ZNF682: variants seen among roughly 807,000 people sequenced by gnomAD.
ZNF682 encodes the protein zinc finger protein 682.
Under a neutral mutation model 36.5 loss-of-function variants are expected in ZNF682, and 29 were observed. The ratio of observed to expected loss-of-function variants is 0.80; its 90% confidence interval spans 0.59 to 1.08. The LOEUF is 1.08. ZNF682 is among the 50% of genes least tolerant of loss of function. ZNF682 has a pLI of 0.00. For synonymous variants in ZNF682, 180 were observed against 197.0 expected (o/e 0.91, Z 0.72); for missense variants, 561 against 579.7 (o/e 0.97, Z 0.33).
chr19:20,016,696 A>G (rs887027465), intron 3 of ZNF682, among the ~76,000 whole-genome samples: 12 of 152,108 alleles, frequency 7.9e-5, no homozygotes, highest in Non-Finnish European at 1.8e-4. Flanking sequence ...ACCTGGAAAA[A>G]TTTACCTCTA....
downstream of ZNF682, among the ~76,000 whole-genome samples, chr19:19,999,849 A>G (rs536208414): frequency 2.0e-5 from 3 of 152,154 alleles, no homozygotes; most frequent in African/African-American, 4.8e-5. Context: ...CATAATTTTT[A>G]TATGTTTTGT....
intron 3 of ZNF682, among the ~76,000 whole-genome samples, chr19:19,998,474 T>C (rs796503280): frequency 6.6e-6 from 1 of 152,206 alleles, no homozygotes; most frequent in Non-Finnish European, 1.5e-5. Flanking sequence ...GCTAGTTATC[T>C]GCTTCTTTCT....
At chr19:20,019,198 T>C (rs939545255) in intron 3 of ZNF682, among the ~76,000 whole-genome samples, 1 of 152,146 alleles carries the variant, frequency 6.6e-6, no homozygotes, top group African/African-American at 2.4e-5. Flanking sequence ...AGTAAAATAT[T>C]ACCTCAAACC....
chr19:20,032,021 T>C (rs1342268304), intron 1 of ZNF682, among the ~76,000 whole-genome samples: 1 of 152,194 alleles, frequency 6.6e-6, no homozygotes, highest in Non-Finnish European at 1.5e-5. Flanking sequence ...TTTATAGCTA[T>C]GTGTGGCAGT....
At chr19:20,022,942 TG>T in intron 3 of ZNF682, 61 bp downstream of exon 3, 1 of 1,367,870 alleles carries the variant, frequency 7.3e-7, no homozygotes, top group South Asian at 1.2e-5. Flanking sequence ...TCTTGAAGTC[TG>T]TCTTCCTTCT....
intron 3 of ZNF682, among the ~76,000 whole-genome samples, chr19:20,012,151 A>C (rs768677194): frequency 1.3e-5 from 2 of 152,242 alleles, no homozygotes; most frequent in Non-Finnish European, 2.9e-5. Context: ...TCTCAAGTTA[A>C]CAACCTGATA....
intron 1 of ZNF682, among the ~76,000 whole-genome samples, chr19:20,026,615 C>T (rs1241918889): frequency 6.6e-6 from 1 of 152,070 alleles, no homozygotes; most frequent in Non-Finnish European, 1.5e-5. Flanking sequence ...CAGGCACGTG[C>T]CACCACACCT....
intron 3 of ZNF682, among the ~76,000 whole-genome samples, chr19:20,009,465 A>C (rs933765128): frequency 1.3e-5 from 2 of 152,222 alleles, no homozygotes; most frequent in African/African-American, 4.8e-5. Context: ...TAAGGATATA[A>C]TCTACGAAAA....
intron 2 of ZNF682, 128 bp from the exon 3 acceptor site, chr19:20,023,227 G>T: frequency 1.2e-6 from 1 of 801,196 alleles, no homozygotes; most frequent in Non-Finnish European, 1.9e-6. Context: ...GGACAGGCGC[G>T]TTGGCTCATA....
At chr19:20,013,501 TAC>T (rs1327317446) in intron 3 of ZNF682, among the ~76,000 whole-genome samples, 1 of 152,044 alleles carries the variant, frequency 6.6e-6, no homozygotes, top group Non-Finnish European at 1.5e-5. Context: ...TATAGCAGAA[TAC>T]ACAGTCTTCT....
At chr19:20,016,635 A>G (rs964842604) in intron 3 of ZNF682, among the ~76,000 whole-genome samples, 1 of 152,142 alleles carries the variant, frequency 6.6e-6, no homozygotes, top group Non-Finnish European at 1.5e-5. Context: ...CATTTCACTT[A>G]TAAATATTGA....
intron 3 of ZNF682, among the ~76,000 whole-genome samples, chr19:20,019,904 C>T (rs903912481): frequency 2.0e-5 from 3 of 152,014 alleles, no homozygotes; most frequent in African/African-American, 7.2e-5. Context: ...TTGTACCCCA[C>T]AAATTCATAC....
At chr19:20,016,885 C>A (rs956499739) in intron 3 of ZNF682, among the ~76,000 whole-genome samples, 2 of 151,912 alleles carry the variant, frequency 1.3e-5, no homozygotes, top group East Asian at 3.9e-4. Context: ...AACCAAAACA[C>A]AAATTTGCAT....
At chr19:19,999,765 C>A (rs1338700152), downstream of ZNF682, among the ~76,000 whole-genome samples, 1 of 152,126 alleles carries the variant, frequency 6.6e-6, no homozygotes, top group African/African-American at 2.4e-5. Flanking sequence ...GAACTCCTGG[C>A]CTCAAGCAAC....
At chr19:20,027,163 G>A (rs1787037231) in intron 1 of ZNF682, among the ~76,000 whole-genome samples, 1 of 152,140 alleles carries the variant, frequency 6.6e-6, no homozygotes, top group Non-Finnish European at 1.5e-5. Flanking sequence ...TGTAACTTGA[G>A]CATACGCCTT....
At position 20,024,292 on chromosome 19, in the gene ZNF682, T is replaced by C; in HGVS notation, c.88A>G (p.Arg30Gly). 6.2e-7 allele frequency: 1 copy of C among 1,614,142 alleles called. No homozygotes were observed. The highest frequency in any genetic ancestry group is 1.3e-5 in the African/African-American group (1 of 75,064). Residue 30 changes from arginine (R) to glycine (G), a missense_variant, in exon 2 of 4, where the codon AGG becomes GGG. Physicochemically the swap from Arg to Gly is moderately radical, Grantham distance 125 (BLOSUM62 -2). Transcript: ENST00000397165. ...CTGTAGTTCTCTAGCATCACTTTCCTATACAAACTCTGCTGAGCAGGGTTC... is the reference window on the plus strand; with the variant it reads ...CTGTAGTTCTCTAGCATCACTTTCCCATACAAACTCTGCTGAGCAGGGTTC... Reference protein sequence around the residue: ...FLNPAQQSLYRKVMLENYRNL... With the variant: ...FLNPAQQSLYGKVMLENYRNL...
rs2122299922 is a variant in ZNF682, at chr19:20,006,414, T to C, written c.1088A>G (p.His363Arg). Residue 363 changes from histidine (H) to arginine (R), a missense_variant, in exon 4 of 4, where the codon CAT becomes CGT. Transcript: ENST00000397165. ...ACATTTGTAGGGTTTCTCTCCGCTATGAATTACCTTATGTTCAGTAAGAAT... is the reference window on the plus strand; with the variant it reads ...ACATTTGTAGGGTTTCTCTCCGCTACGAATTACCTTATGTTCAGTAAGAAT... ...SSILTEHKVI[H>R]SGEKPYKCEK... 1 of 1,613,664 alleles carries C rather than the reference T, an allele frequency of 6.2e-7. No individual in the cohort carries two copies. Among genetic ancestry groups the C allele is most frequent in the Non-Finnish European group, 8.5e-7 (1 of 1,179,908 alleles).
Position 20,013,591 on chromosome 19 carries a change from T to A in ZNF682, c.227-6316A>T, listed in dbSNP as rs536342150. ...CATTCTTAGCAAACTTTTTTTTTTT[T>A]AATTTTGAGACTGAGTTTCGCTCTT... On this transcript the variant is annotated intron_variant, in intron 3 of 3. Coordinates refer to ENST00000397165, the MANE Select transcript of ZNF682 (RefSeq NM_033196.3). Among the ~76,000 whole-genome samples the A allele has an allele frequency of 5.9e-5, 9 of 152,262 alleles. No individual in the cohort carries two copies. The East Asian group carries it at 1.4e-3, about 23-fold the overall frequency.
chr19:20,014,711 C>T (rs534214652), intron 3 of ZNF682, among the ~76,000 whole-genome samples: 15 of 147,350 alleles, frequency 1.0e-4, no homozygotes, highest in Middle Eastern at 3.5e-3. Flanking sequence ...ACCTGGGAGG[C>T]GGAGGTTGAA....
Sources: allele counts gnomAD v4.1 joint callset (sites outside exome capture counted in the v4.1 genomes callset), GRCh38; gene constraint gnomAD v4.1.1; transcripts MANE v1.5; gene names NCBI Gene and HGNC (gene_info 2026-07-23, HGNC 2026-07-21).